Variants in AOAH observed in about 807,000 individuals in gnomAD.
AOAH encodes acyloxyacyl hydrolase.
AOAH carries 64 observed loss-of-function variants against 92.2 expected under a neutral mutation model. The ratio of observed to expected loss-of-function variants is 0.69; its 90% CI spans 0.57 to 0.86. The LOEUF is 0.86. Among genes scored for constraint, AOAH ranks in the 40% least tolerant of loss-of-function variants. The pLI is 0.00. For synonymous variants in AOAH, 263 were observed against 254.5 expected (o/e 1.03, Z -0.32); for missense variants, 656 against 694.6 (o/e 0.94, Z 0.62).
At chr7:36,692,008 G>A (rs1294184075) in intron 1 of AOAH, among the ~76,000 whole-genome samples, 3 of 152,162 alleles carry the variant, frequency 2.0e-5, no homozygotes, top group East Asian at 1.9e-4. Flanking sequence ...CCAGCTGAGC[G>A]CAGCTGCAGG....
chr7:36,533,581 G>A (rs747918255), intron 16 of AOAH, among the ~76,000 whole-genome samples: 16 of 151,964 alleles, frequency 1.1e-4, no homozygotes, highest in South Asian at 4.2e-4. Flanking sequence ...CTTGGCTTTC[G>A]TCCTTGCTTT....
chr7:36,568,302 A>G (rs1192439257), intron 13 of AOAH, among the ~76,000 whole-genome samples: 2 of 152,214 alleles, frequency 1.3e-5, no homozygotes, highest in Non-Finnish European at 2.9e-5. Context: ...ACCTTTTACA[A>G]ATGTAAATTT....
At chr7:36,668,194 T>C (rs1795672869) in intron 3 of AOAH, among the ~76,000 whole-genome samples, 1 of 113,920 alleles carries the variant, frequency 8.8e-6, no homozygotes, top group Non-Finnish European at 2.2e-5. Context: ...GAGAGGTTTT[T>C]GTGTGTGTGT....
intron 6 of AOAH, among the ~76,000 whole-genome samples, chr7:36,631,705 A>G (rs1196275402): frequency 6.6e-6 from 1 of 152,168 alleles, no homozygotes; most frequent in African/African-American, 2.4e-5. Context: ...TCCATAGTTC[A>G]CATGCAGAGA....
intron 1 of AOAH, among the ~76,000 whole-genome samples, chr7:36,703,332 T>G (rs1798147612): frequency 6.6e-6 from 1 of 152,208 alleles, no homozygotes; most frequent in African/African-American, 2.4e-5. Context: ...TCAATTTACT[T>G]TTCCGAGATT....
At chr7:36,652,738 C>G (rs1193867992) in intron 4 of AOAH, among the ~76,000 whole-genome samples, 1 of 152,228 alleles carries the variant, frequency 6.6e-6, no homozygotes, top group African/African-American at 2.4e-5. Flanking sequence ...TCAAACAAAT[C>G]CCAATTCGAG....
At chr7:36,714,852 CA>C (rs1799021568) in intron 1 of AOAH, among the ~76,000 whole-genome samples, 1 of 152,154 alleles carries the variant, frequency 6.6e-6, no homozygotes, top group African/African-American at 2.4e-5. Flanking sequence ...CTATCTATGA[CA>C]AACCCACAGC....
intron 2 of AOAH, among the ~76,000 whole-genome samples, chr7:36,676,886 A>G (rs2116684037): frequency 6.6e-6 from 1 of 152,324 alleles, no homozygotes; most frequent in Non-Finnish European, 1.5e-5. Flanking sequence ...CAGGCAAAAG[A>G]ATGAATTTGG....
chr7:36,535,283 C>T (rs1024786767), intron 16 of AOAH, among the ~76,000 whole-genome samples: 2 of 152,048 alleles, frequency 1.3e-5, no homozygotes, highest in Non-Finnish European at 2.9e-5. Context: ...GGCTTAGTGA[C>T]GGTTTGCGTC....
At position 36,546,124 on chromosome 7, in the gene AOAH, G is replaced by A. The variant is rs963892565; in HGVS notation, c.1133+2488C>T. 4.6e-5 allele frequency among the ~76,000 whole-genome samples: 7 copies of A among 152,180 alleles called. No homozygotes were observed. In the East Asian group the frequency reaches 1.2e-3, roughly 25 times the overall value. The stretch of plus-strand genomic sequence containing the variant: ...TGATGCTAAAAGCTATCTTCCAATC[G>A]TGACCCTCACTCATTTAACCAGTAT... On this transcript the variant is annotated intron_variant, in intron 15 of 20. Coordinates refer to ENST00000617537, the MANE Select transcript of AOAH (RefSeq NM_001637.4).
Position 36,524,366 on chromosome 7 carries a change from G to T in AOAH, c.1523-2251C>A, listed in dbSNP as rs183002098. ...ATTCATGCCCATGAATTCACACCCA[G>T]CCAGGTGCGGTGGCTCACACCTGTA... On this transcript the variant is annotated intron_variant, in intron 19 of 20. Transcript: ENST00000617537. 7.4e-3 allele frequency among the ~76,000 whole-genome samples: 1,122 copies of T among 152,084 alleles called. 17 individuals carry two copies. The highest frequency in any genetic ancestry group is 0.026 in the African/African-American group (1,070 of 41,484).
chr7:36,709,203 G>A (rs1269336515), intron 1 of AOAH, among the ~76,000 whole-genome samples: 3 of 152,120 alleles, frequency 2.0e-5, no homozygotes, highest in African/African-American at 4.8e-5. Context: ...GGTTCTGCTT[G>A]TTAATTCCCA....
At chr7:36,657,538 C>T (rs764028650) in intron 4 of AOAH, among the ~76,000 whole-genome samples, 11 of 152,148 alleles carry the variant, frequency 7.2e-5, no homozygotes, top group Non-Finnish European at 1.5e-4. Flanking sequence ...CATTGTCCCT[C>T]TTTTCTGGGT....
chr7:36,529,111 T>C (rs1784550195), intron 19 of AOAH, among the ~76,000 whole-genome samples: 1 of 151,986 alleles, frequency 6.6e-6, no homozygotes, highest in African/African-American at 2.4e-5. Context: ...ATCACAGAGA[T>C]TTGTTAGGAA....
intron 20 of AOAH, among the ~76,000 whole-genome samples, chr7:36,520,272 G>A (rs2115801687): frequency 6.6e-6 from 1 of 152,308 alleles, no homozygotes; most frequent in South Asian, 2.1e-4. Flanking sequence ...ATAAAACAAA[G>A]CTGTCTTTGA....
chr7:36,675,750 T>C (rs1796214872), intron 2 of AOAH, among the ~76,000 whole-genome samples: 1 of 152,052 alleles, frequency 6.6e-6, no homozygotes, highest in Non-Finnish European at 1.5e-5. Flanking sequence ...CTCAACAAAA[T>C]ACTAGCAAAT....
rs189532387 is a variant in AOAH at position 36,527,143 on chromosome 7, G to A, written c.1522+3275C>T. Among the ~76,000 whole-genome samples, 3 of 152,314 alleles carry A rather than the reference G, an allele frequency of 2.0e-5. No individual in the cohort carries two copies. In the East Asian group the frequency reaches 5.8e-4, roughly 29 times the overall value. ...TTTAGTTCATAACCAGTTGGAGAAT[G>A]AGTCAGCAAGAGACAGAAAGTCTTT... On this transcript the variant is annotated intron_variant, in intron 19 of 20. Transcript: ENST00000617537.
rs1315022145 is a variant in AOAH, at chr7:36,620,981, A to G, written c.654-152T>C. The G allele has an allele frequency of 4.2e-6, 3 of 711,960 alleles. No individual in the cohort carries two copies. The African/African-American group carries it at 5.4e-5, about 13-fold the overall frequency. The allele number at this position is 711,960 out of a possible 1,614,324, so 44.1% of individuals were successfully genotyped here. On this transcript the variant is annotated intron_variant, in intron 8 of 20. Coordinates refer to ENST00000617537, the MANE Select transcript of AOAH (RefSeq NM_001637.4). ...TCTTCATGGAATAGCATCACATCCC[A>G]TTGTGTGTTGTGACATCAGAAGCCT...
intron 16 of AOAH, 56 bp downstream of exon 16, chr7:36,540,263 T>C: frequency 7.0e-7 from 1 of 1,428,440 alleles, no homozygotes; most frequent in Non-Finnish European, 9.5e-7. Flanking sequence ...CATATATACA[T>C]TGAACTGTAT....
Sources: gnomAD v4.1 joint callset for allele counts (sites outside exome capture counted in the v4.1 genomes callset) on GRCh38, gnomAD v4.1.1 for gene constraint, MANE v1.5 for transcripts, NCBI Gene and HGNC (gene_info 2026-07-23, HGNC 2026-07-21) for gene names.